PMFBP1: variants seen among roughly 807,000 people sequenced by gnomAD.
PMFBP1 encodes polyamine-modulated factor 1-binding protein 1.
Under a neutral mutation model 137.8 loss-of-function variants are expected in PMFBP1, and 131 were observed. The observed-to-expected ratio is 0.95, with a 90% CI of 0.82 to 1.10. The LOEUF (loss-of-function observed/expected upper bound fraction) is 1.10. Among genes scored for constraint, PMFBP1 ranks in the 50% least tolerant of loss-of-function variants. PMFBP1 has a pLI of 0.00. For synonymous variants in PMFBP1, 490 were observed against 450.4 expected (o/e 1.09, Z -1.11); for missense variants, 1,199 against 1,175.4 (o/e 1.02, Z -0.29).
intron 1 of PMFBP1, 56 bp from the exon 2 acceptor site, chr16:72,171,324 A>C: frequency 8.0e-7 from 1 of 1,248,202 alleles, no homozygotes; most frequent in South Asian, 1.3e-5. Flanking sequence ...TCTGCCCTTT[A>C]AAGATTTTCC....
At chr16:72,224,095 A>C in the PMFBP1 span, among the ~76,000 whole-genome samples, 1 of 152,276 alleles carries the variant, frequency 6.6e-6, no homozygotes, top group African/African-American at 2.4e-5. Flanking sequence ...AAGCCAACCT[A>C]TTTCAAAAAT....
the PMFBP1 span, among the ~76,000 whole-genome samples, chr16:72,220,858 T>A: frequency 6.6e-6 from 1 of 152,128 alleles, no homozygotes; most frequent in Non-Finnish European, 1.5e-5. Context: ...CCAGTTGCAT[T>A]TTTCCCTAAT....
At chr16:72,176,045 G>T (rs1351470844), upstream of PMFBP1, among the ~76,000 whole-genome samples, 1 of 152,158 alleles carries the variant, frequency 6.6e-6, no homozygotes, top group East Asian at 1.9e-4. Context: ...AACTGGTAGG[G>T]GGAGATGGTA....
At chr16:72,239,793 C>T in the PMFBP1 span, among the ~76,000 whole-genome samples, 8 of 144,772 alleles carry the variant, frequency 5.5e-5, no homozygotes, top group Middle Eastern at 3.8e-3. Flanking sequence ...TCGGGAGGCA[C>T]GAGAATCGCT....
At chr16:72,149,111 A>T (rs995684881) in intron 5 of PMFBP1, among the ~76,000 whole-genome samples, 1 of 152,102 alleles carries the variant, frequency 6.6e-6, no homozygotes, top group African/African-American at 2.4e-5. Flanking sequence ...TCTCCCTAAA[A>T]ACGTCCTGCA....
At chr16:72,236,892 T>C in the PMFBP1 span, among the ~76,000 whole-genome samples, 2 of 152,200 alleles carry the variant, frequency 1.3e-5, no homozygotes, top group African/African-American at 4.8e-5. Flanking sequence ...AGTAATAAAA[T>C]CTACCACACT....
the PMFBP1 span, among the ~76,000 whole-genome samples, chr16:72,227,344 C>T: frequency 6.6e-6 from 1 of 152,158 alleles, no homozygotes; most frequent in Admixed American, 6.5e-5. Context: ...CAGCAATTCA[C>T]CTTGAATCCT....
the PMFBP1 span, among the ~76,000 whole-genome samples, chr16:72,196,532 A>G: frequency 1.3e-5 from 2 of 152,164 alleles, no homozygotes; most frequent in Admixed American, 1.3e-4. Context: ...TAACCCTACC[A>G]TTTCACTCAC....
At chr16:72,117,948 C>T (rs1464944403), downstream of PMFBP1, among the ~76,000 whole-genome samples, 2 of 152,116 alleles carry the variant, frequency 1.3e-5, no homozygotes, top group African/African-American at 4.8e-5. Context: ...GGTAATATGT[C>T]GATGTTTTTC....
At chr16:72,209,090 G>C in the PMFBP1 span, among the ~76,000 whole-genome samples, 1 of 152,190 alleles carries the variant, frequency 6.6e-6, no homozygotes, top group African/African-American at 2.4e-5. Context: ...CAGTGGGCCT[G>C]GACACTCAGC....
chr16:72,162,120 T>C (rs1216145277), intron 3 of PMFBP1, among the ~76,000 whole-genome samples: 1 of 151,582 alleles, frequency 6.6e-6, no homozygotes, highest in Non-Finnish European at 1.5e-5. Flanking sequence ...GTCTCTGTTG[T>C]TCTTTTCTCC....
At chr16:72,175,528 G>T (rs896952858), upstream of PMFBP1, among the ~76,000 whole-genome samples, 9 of 152,166 alleles carry the variant, frequency 5.9e-5, no homozygotes, top group Non-Finnish European at 8.8e-5. Flanking sequence ...CAGCAACCTT[G>T]TTGCTCCAAG....
chr16:72,126,154 C>G, intron 14 of PMFBP1, 22 bp from the exon 15 acceptor site: 3 of 1,611,916 alleles, frequency 1.9e-6, no homozygotes, highest in African/African-American at 1.3e-5. Flanking sequence ...GAGAGCAGAA[C>G]TGTCAGGGTG....
At chr16:72,207,787 A>C in the PMFBP1 span, among the ~76,000 whole-genome samples, 1 of 151,634 alleles carries the variant, frequency 6.6e-6, no homozygotes, top group Non-Finnish European at 1.5e-5. Flanking sequence ...GAAATTTATC[A>C]TAAGAAATTG....
upstream of PMFBP1, among the ~76,000 whole-genome samples, chr16:72,175,868 C>T (rs893763796): frequency 6.6e-6 from 1 of 152,104 alleles, no homozygotes; most frequent in Admixed American, 6.5e-5. Flanking sequence ...GTGTGAGCCC[C>T]ATGAACAGAC....
At chr16:72,243,859 G>A in the PMFBP1 span, among the ~76,000 whole-genome samples, 24 of 152,312 alleles carry the variant, frequency 1.6e-4, no homozygotes, top group African/African-American at 5.1e-4. Flanking sequence ...ACCAGCACTC[G>A]TAACACAGGG....
At chr16:72,237,394 A>G in the PMFBP1 span, among the ~76,000 whole-genome samples, 9 of 152,122 alleles carry the variant, frequency 5.9e-5, no homozygotes, top group Admixed American at 5.9e-4. Context: ...CCTGCTTTCC[A>G]TAGAAGACTG....
At chr16:72,246,045 T>C in the PMFBP1 span, among the ~76,000 whole-genome samples, 1 of 152,116 alleles carries the variant, frequency 6.6e-6, no homozygotes, top group East Asian at 1.9e-4. Flanking sequence ...AGCATACTCA[T>C]TGGGTAAGAG....
the PMFBP1 span, among the ~76,000 whole-genome samples, chr16:72,241,415 C>T: frequency 6.6e-6 from 1 of 152,220 alleles, no homozygotes; most frequent in Non-Finnish European, 1.5e-5. Context: ...AGCTACCCTA[C>T]TATTTAATAT....
Sources: gnomAD v4.1 joint callset for allele counts (sites outside exome capture counted in the v4.1 genomes callset) on GRCh38, gnomAD v4.1.1 for gene constraint, MANE v1.5 for transcripts, NCBI Gene and HGNC (gene_info 2026-07-23, HGNC 2026-07-21) for gene names.